The following MARCHF1 variants were observed in gnomAD, a reference collection of about 807,000 sequenced individuals.
MARCHF1 encodes E3 ubiquitin-protein ligase MARCHF1.
Under a neutral mutation model 54.2 loss-of-function variants are expected in MARCHF1, and 40 were observed. The observed-to-expected ratio is 0.74, with a 90% CI of 0.57 to 0.96. The LOEUF is 0.96. Ranked by LOEUF, MARCHF1 falls within the 40% of genes least tolerant of loss-of-function variation. MARCHF1 has a pLI of 0.00. For missense variants in MARCHF1, 586 were observed against 656.5 expected (o/e 0.89, Z 1.17); for synonymous variants, 236 against 236.3 (o/e 1.00, Z 0.01).
At chr4:164,266,799 A>C (rs1040509155) in intron 1 of MARCHF1, among the ~76,000 whole-genome samples, 97 of 152,336 alleles carry the variant, frequency 6.4e-4, no homozygotes, top group African/African-American at 2.1e-3. Context: ...TAGTATAACA[A>C]AATGATATAG....
intron 1 of MARCHF1, among the ~76,000 whole-genome samples, chr4:164,257,625 T>C (rs1733330332): frequency 6.6e-6 from 1 of 151,954 alleles, no homozygotes; most frequent in African/African-American, 2.4e-5. Context: ...ATATATATCA[T>C]GTATATTTTT....
At chr4:163,542,193 A>G (rs1203171884) in intron 9 of MARCHF1, among the ~76,000 whole-genome samples, 1 of 152,178 alleles carries the variant, frequency 6.6e-6, no homozygotes, top group African/African-American at 2.4e-5. Flanking sequence ...TCCTGCACCC[A>G]CCCACAGCTG....
At chr4:164,149,465 C>T (rs778606286) in intron 1 of MARCHF1, among the ~76,000 whole-genome samples, 4 of 152,156 alleles carry the variant, frequency 2.6e-5, no homozygotes, top group Non-Finnish European at 5.9e-5. Context: ...AATGGCACAA[C>T]AACCAGGGAA....
chr4:164,235,715 T>C lies in MARCHF1; in HGVS notation c.-322-124053A>G, dbSNP rs569034907. Among the ~76,000 whole-genome samples, 4 of 151,950 alleles carry C rather than the reference T, an allele frequency of 2.6e-5. No individual in the cohort carries two copies. In the South Asian group the frequency reaches 6.2e-4, roughly 24 times the overall value. The stretch of plus-strand genomic sequence containing the variant: ...TGCAAAGGCATACAGAGTGATACAG[T>C]GGACTTTAGAGACTCAGAAGGGGAA... On this transcript the variant is annotated intron_variant, in intron 1 of 9. Transcript: ENST00000514618.
chr4:164,190,423 T>G, intron 1 of MARCHF1: 1 of 448,220 alleles, frequency 2.2e-6, no homozygotes, highest in Non-Finnish European at 4.0e-6. Flanking sequence ...AAGTCTTAAA[T>G]GTAATTGGAA....
At chr4:164,273,985 C>T (rs1579680259) in intron 1 of MARCHF1, among the ~76,000 whole-genome samples, 1 of 151,926 alleles carries the variant, frequency 6.6e-6, no homozygotes, top group Non-Finnish European at 1.5e-5. Context: ...GCAGTTCATA[C>T]TGCCAGAATT....
intron 3 of MARCHF1, among the ~76,000 whole-genome samples, chr4:163,931,173 G>C (rs1331279594): frequency 6.6e-6 from 1 of 152,144 alleles, no homozygotes; most frequent in African/African-American, 2.4e-5. Flanking sequence ...GCATTGGATG[G>C]AACCTCAATC....
At chr4:163,604,113 T>C (rs1056008587) in intron 7 of MARCHF1, among the ~76,000 whole-genome samples, 1 of 152,062 alleles carries the variant, frequency 6.6e-6, no homozygotes. Context: ...CACATCTCAG[T>C]TTACAGAATT....
chr4:163,808,639 G>C lies in MARCHF1; in HGVS notation c.111+45382C>G, dbSNP rs554000120. ...TCTGGAGTGCAGTGGCGTGATCTCG[G>C]CTCACTGCAACCTCCACCTCCTGGG... On this transcript the variant is annotated intron_variant, in intron 4 of 9. Coordinates refer to ENST00000514618, the MANE Select transcript of MARCHF1 (RefSeq NM_001394959.1). 2.0e-5 allele frequency among the ~76,000 whole-genome samples: 3 copies of C among 152,164 alleles called. No individual in the cohort carries two copies. The East Asian group carries it at 5.8e-4, about 29-fold the overall frequency.
chr4:163,701,340 A>G (rs1744804408), intron 4 of MARCHF1, among the ~76,000 whole-genome samples: 1 of 152,118 alleles, frequency 6.6e-6, no homozygotes, highest in African/African-American at 2.4e-5. Flanking sequence ...GTTATTTTAC[A>G]TACTCTGAAA....
chr4:163,817,080 G>A (rs1229983563), intron 4 of MARCHF1, among the ~76,000 whole-genome samples: 2 of 151,880 alleles, frequency 1.3e-5, no homozygotes, highest in Non-Finnish European at 2.9e-5. Flanking sequence ...TATTTTCTCG[G>A]CAATTTTACA....
At chr4:163,592,791 T>A (rs566398492) in intron 7 of MARCHF1, among the ~76,000 whole-genome samples, 5 of 152,210 alleles carry the variant, frequency 3.3e-5, no homozygotes, top group African/African-American at 1.2e-4. Context: ...TCATCTAGCC[T>A]AGTGGTTCAG....
At position 164,363,120 on chromosome 4, in the gene MARCHF1, G is replaced by A. The variant is rs187876289; in HGVS notation, c.-323+20750C>T. On this transcript the variant is annotated intron_variant, in intron 1 of 9. Transcript: ENST00000514618. ...CTATTCTGTTTCAAAGTTAAACACGGCAGACTTTTATAGAATCAATAAATG... is the reference window on the plus strand; with the variant it reads ...CTATTCTGTTTCAAAGTTAAACACGACAGACTTTTATAGAATCAATAAATG... Among the ~76,000 whole-genome samples, 130 of 151,902 alleles carry A rather than the reference G, an allele frequency of 8.6e-4. 1 individual carries two copies. The highest frequency in any genetic ancestry group is 2.9e-4 in the Non-Finnish European group (20 of 67,958).
intron 1 of MARCHF1, among the ~76,000 whole-genome samples, chr4:164,138,952 G>A (rs1756461382): frequency 6.6e-6 from 1 of 152,114 alleles, no homozygotes; most frequent in Non-Finnish European, 1.5e-5. Flanking sequence ...ACAAAAATAA[G>A]CCAGGATTTA....
intron 1 of MARCHF1, among the ~76,000 whole-genome samples, chr4:164,358,733 GAAAATGA>G (rs1251831173): frequency 6.6e-6 from 1 of 152,056 alleles, no homozygotes; most frequent in African/African-American, 2.4e-5. Context: ...AGTATCCCAA[GAAAATGA>G]AATGTGGTTT....
chr4:163,996,944 T>C (rs567509885), intron 2 of MARCHF1, among the ~76,000 whole-genome samples: 1 of 152,054 alleles, frequency 6.6e-6, no homozygotes, highest in Admixed American at 6.6e-5. Flanking sequence ...TCCAGAACCA[T>C]GACAATATAT....
intron 4 of MARCHF1, among the ~76,000 whole-genome samples, chr4:163,805,507 A>C (rs1050207282): frequency 6.6e-6 from 1 of 152,206 alleles, no homozygotes. Flanking sequence ...TTTGAGCCCC[A>C]AACATTAAAT....
chr4:164,132,856 G>T (rs1199103688), intron 1 of MARCHF1, among the ~76,000 whole-genome samples: 4 of 151,346 alleles, frequency 2.6e-5, no homozygotes, highest in Admixed American at 6.6e-5. Context: ...TTATCATTAG[G>T]GTCCATGGAT....
chr4:164,152,259 A>G (rs1323376791), intron 1 of MARCHF1, among the ~76,000 whole-genome samples: 1 of 152,178 alleles, frequency 6.6e-6, no homozygotes. Context: ...TTTAGCTAAG[A>G]TGGTATCATA....
Sources: gnomAD v4.1 joint callset for allele counts (sites outside exome capture counted in the v4.1 genomes callset) on GRCh38, gnomAD v4.1.1 for gene constraint, MANE v1.5 for transcripts, NCBI Gene and HGNC (gene_info 2026-07-23, HGNC 2026-07-21) for gene names.